The following TENM2 variants were observed in gnomAD, a reference collection of about 807,000 sequenced individuals.
TENM2 encodes the protein teneurin transmembrane protein 2.
A neutral mutation model predicts 245.2 loss-of-function variants in TENM2; 52 were observed. The ratio of observed to expected loss-of-function variants is 0.21; its 90% CI spans 0.17 to 0.27. The LOEUF is 0.27. TENM2 is among the 10% of genes least tolerant of loss of function. The pLI, the probability that TENM2 is intolerant of heterozygous loss-of-function variation, is 1.00. For synonymous variants in TENM2, 1,363 were observed against 1,438.9 expected, an observed-to-expected ratio of 0.95 and a Z score of 1.19; for missense variants, 3,046 against 3,666.8, an observed-to-expected ratio of 0.83 and a Z score of 4.37.
At chr5:167,732,670 T>C (rs1418370352) in intron 2 of TENM2, among the ~76,000 whole-genome samples, 1 of 152,190 alleles carries the variant, frequency 6.6e-6, no homozygotes, top group South Asian at 2.1e-4. Context: ...GTAGTGACAC[T>C]TCACTTTATT....
chr5:167,949,903 C>T (rs1779943241), intron 3 of TENM2, among the ~76,000 whole-genome samples: 2 of 152,118 alleles, frequency 1.3e-5, no homozygotes, highest in Admixed American at 1.3e-4. Flanking sequence ...CAAATATAAT[C>T]AATGCCGTGG....
intron 5 of TENM2, among the ~76,000 whole-genome samples, chr5:168,008,517 G>T (rs757029203): frequency 2.2e-4 from 34 of 152,234 alleles, no homozygotes; most frequent in Admixed American, 5.2e-4. Flanking sequence ...GGATAGATTG[G>T]GAGATGGGAC....
chr5:167,031,573 G>T, the TENM2 span, among the ~76,000 whole-genome samples: 1 of 151,920 alleles, frequency 6.6e-6, no homozygotes, highest in African/African-American at 2.4e-5. Flanking sequence ...CATATTTGAG[G>T]TTTTTTTTGA....
At chr5:167,647,993 T>C (rs1057225320) in intron 2 of TENM2, among the ~76,000 whole-genome samples, 11 of 152,336 alleles carry the variant, frequency 7.2e-5, no homozygotes, top group Admixed American at 3.3e-4. Context: ...ACAGATTTTC[T>C]CTGTCCAAAA....
At chr5:167,316,950 C>T (rs1231392999) in intron 1 of TENM2, among the ~76,000 whole-genome samples, 1 of 152,104 alleles carries the variant, frequency 6.6e-6, no homozygotes. Flanking sequence ...TCAACAATGT[C>T]CCAGCCTTCC....
intron 2 of TENM2, among the ~76,000 whole-genome samples, chr5:167,619,005 C>T (rs1777980436): frequency 1.3e-5 from 2 of 152,040 alleles, no homozygotes; most frequent in Non-Finnish European, 1.5e-5. Flanking sequence ...CTGAGGCAAA[C>T]TGGGGAGTGT....
intron 1 of TENM2, among the ~76,000 whole-genome samples, chr5:167,298,431 T>G (rs896372552): frequency 2.6e-5 from 4 of 152,150 alleles, no homozygotes; most frequent in East Asian, 3.9e-4. Context: ...GTGAAACCCC[T>G]TCTTTACTAA....
At chr5:168,194,817 G>A (rs1412736975) in intron 14 of TENM2, among the ~76,000 whole-genome samples, 1 of 152,118 alleles carries the variant, frequency 6.6e-6, no homozygotes, top group African/African-American at 2.4e-5. Context: ...GTAGCCAGAT[G>A]TGGAAGCTCT....
At chr5:167,806,598 AAAG>A (rs1234098470) in intron 2 of TENM2, among the ~76,000 whole-genome samples, 2 of 152,092 alleles carry the variant, frequency 1.3e-5, no homozygotes. Context: ...GTCCAATGGA[AAAG>A]AAGATTCTTT....
At chr5:167,230,369 T>G in the TENM2 span, among the ~76,000 whole-genome samples, 1 of 152,308 alleles carries the variant, frequency 6.6e-6, no homozygotes, top group East Asian at 1.9e-4. Context: ...GCTGCCTCGC[T>G]TCCCTCTCCT....
At chr5:167,509,852 G>A (rs1225542907) in intron 2 of TENM2, among the ~76,000 whole-genome samples, 1 of 152,124 alleles carries the variant, frequency 6.6e-6, no homozygotes, top group East Asian at 1.9e-4. Context: ...GCAATTAAGT[G>A]GCATAGCCAG....
At chr5:167,453,536 G>A (rs755769284) in intron 2 of TENM2, among the ~76,000 whole-genome samples, 2 of 152,108 alleles carry the variant, frequency 1.3e-5, no homozygotes, top group African/African-American at 4.8e-5. Flanking sequence ...GTGTGACTTT[G>A]GACAAATCAT....
At chr5:167,597,893 T>C (rs1776333811) in intron 2 of TENM2, among the ~76,000 whole-genome samples, 3 of 152,186 alleles carry the variant, frequency 2.0e-5, no homozygotes, top group African/African-American at 7.2e-5. Context: ...CTGGGCTGTG[T>C]TATTCACCTA....
the TENM2 span, among the ~76,000 whole-genome samples, chr5:167,036,598 A>G: frequency 6.6e-6 from 1 of 152,134 alleles, no homozygotes; most frequent in East Asian, 1.9e-4. Flanking sequence ...TTCTATTGAG[A>G]TGCAAATACT....
chr5:167,071,878 G>GCCCCCCCCCCCCCC, the TENM2 span, among the ~76,000 whole-genome samples: 3 of 124,106 alleles, frequency 2.4e-5, no homozygotes, highest in African/African-American at 2.9e-5. Flanking sequence ...TTGACAAATC[G>GCCCCCCCCCCCCCC]CCCCCCCCCG....
At chr5:167,097,730 T>G in the TENM2 span, among the ~76,000 whole-genome samples, 1 of 152,230 alleles carries the variant, frequency 6.6e-6, no homozygotes, top group African/African-American at 2.4e-5. Flanking sequence ...AAGTCCTGTC[T>G]TTGGCATTTC....
At chr5:167,631,982 A>G (rs992313798) in intron 2 of TENM2, among the ~76,000 whole-genome samples, 1 of 152,132 alleles carries the variant, frequency 6.6e-6, no homozygotes, top group Non-Finnish European at 1.5e-5. Flanking sequence ...CCCTGCCATG[A>G]TGCCTGGCAC....
chr5:167,143,396 G>A, the TENM2 span, among the ~76,000 whole-genome samples: 1 of 152,132 alleles, frequency 6.6e-6, no homozygotes, highest in Non-Finnish European at 1.5e-5. Context: ...ACCACCATTC[G>A]TTGGGATGCC....
chr5:168,185,648 T>TA lies in TENM2; in HGVS notation c.2570-4678dup, dbSNP rs11307340. Among the ~76,000 whole-genome samples the TA allele has an allele frequency of 4.3e-4, 64 of 150,198 alleles. 1 individual carries two copies. Among genetic ancestry groups the TA allele is most frequent in the East Asian group, 2.6e-3 (13 of 5,088 alleles). ...GCAGGATTTCCATGAATCTTTAAAT[T>TA]AAAAAAAAAAATGTAAATTCTGCTC... On this transcript the variant is annotated intron_variant, in intron 13 of 28. Coordinates refer to ENST00000518659, the Ensembl canonical transcript of TENM2.
Sources: gnomAD v4.1 joint callset for allele counts (sites outside exome capture counted in the v4.1 genomes callset) on GRCh38, gnomAD v4.1.1 for gene constraint, MANE v1.5 for transcripts, NCBI Gene and HGNC (gene_info 2026-07-23, HGNC 2026-07-21) for gene names.